The following PCCB variants were observed in gnomAD, a reference collection of about 807,000 sequenced individuals.
PCCB encodes the protein propionyl-CoA carboxylase subunit beta, also known as propionyl-CoA carboxylase beta chain, mitochondrial.
In PCCB, 43 loss-of-function variants were observed where a neutral mutation model predicts 60.7. That is an observed-to-expected ratio of 0.71 (90% CI 0.55 to 0.91). The LOEUF (loss-of-function observed/expected upper bound fraction) is 0.91. PCCB is among the 40% of genes least tolerant of loss of function. The pLI is 0.00. For missense variants in PCCB, 766 were observed against 702.8 expected (o/e 1.09, Z -1.02); for synonymous variants, 276 against 255.9 (o/e 1.08, Z -0.75).
chr3:136,285,402 C>G (rs1347629825), intron 6 of PCCB, among the ~76,000 whole-genome samples: 2 of 152,112 alleles, frequency 1.3e-5, no homozygotes, highest in Non-Finnish European at 2.9e-5. Context: ...ATCCTCCCAT[C>G]AAAACTTAAT....
At chr3:136,253,152 C>T (rs1171174117) in intron 1 of PCCB, among the ~76,000 whole-genome samples, 2 of 137,262 alleles carry the variant, frequency 1.5e-5, no homozygotes, top group Non-Finnish European at 3.0e-5. Flanking sequence ...TGCAGTGGCG[C>T]GGTCTTGGCT....
chr3:136,326,076 T>A (rs1310191629), intron 10 of PCCB, among the ~76,000 whole-genome samples: 1 of 152,208 alleles, frequency 6.6e-6, no homozygotes, highest in Non-Finnish European at 1.5e-5. Flanking sequence ...CCTCCCAAAG[T>A]GCTGGGATTA....
At chr3:136,306,747 A>G (rs1934462719) in intron 9 of PCCB, among the ~76,000 whole-genome samples, 1 of 122,652 alleles carries the variant, frequency 8.2e-6, no homozygotes, top group Admixed American at 9.7e-5. Flanking sequence ...AAGTGACTAC[A>G]ATGAAAGGCA....
intron 1 of PCCB, chr3:136,255,406 G>A: frequency 4.1e-6 from 1 of 245,988 alleles, no homozygotes; most frequent in South Asian, 5.1e-5. Context: ...GAGCAGTAGG[G>A]ACCCTCGTGA....
intron 10 of PCCB, among the ~76,000 whole-genome samples, chr3:136,317,670 T>C (rs544901696): frequency 6.6e-6 from 1 of 152,206 alleles, no homozygotes; most frequent in Admixed American, 6.5e-5. Flanking sequence ...CAGCTAAATA[T>C]ATGACTCACC....
At chr3:136,323,638 A>G (rs2108233864) in intron 10 of PCCB, among the ~76,000 whole-genome samples, 1 of 152,194 alleles carries the variant, frequency 6.6e-6, no homozygotes, top group East Asian at 1.9e-4. Flanking sequence ...ACAAAAAATG[A>G]GCCGGACGTG....
chr3:136,254,284 T>C (rs1941605008), intron 1 of PCCB, among the ~76,000 whole-genome samples: 1 of 151,876 alleles, frequency 6.6e-6, no homozygotes, highest in Admixed American at 6.6e-5. Flanking sequence ...AGTGGTGCGA[T>C]CTTGGCTCAC....
chr3:136,289,789 C>CTTTTTTTT (rs147625921), intron 6 of PCCB, among the ~76,000 whole-genome samples: 1,697 of 141,794 alleles, frequency 0.012, 61 homozygotes, highest in African/African-American at 0.042. Flanking sequence ...ACATGTTATA[C>CTTTTTTTT]TTTTTTTTTA....
At chr3:136,276,996 C>G (rs1002985321) in intron 5 of PCCB, among the ~76,000 whole-genome samples, 2 of 152,134 alleles carry the variant, frequency 1.3e-5, no homozygotes, top group African/African-American at 4.8e-5. Flanking sequence ...GTCTAGCCAC[C>G]CAGTGGGGCT....
intron 13 of PCCB, 116 bp from the exon 14 acceptor site, chr3:136,328,641 TC>T: frequency 1.3e-6 from 1 of 791,442 alleles, no homozygotes; most frequent in Non-Finnish European, 2.2e-6. Flanking sequence ...AGATGGCACT[TC>T]CCCTCAGTAC....
chr3:136,318,122 A>C (rs2108228032), intron 10 of PCCB, among the ~76,000 whole-genome samples: 1 of 152,332 alleles, frequency 6.6e-6, no homozygotes, highest in African/African-American at 2.4e-5. Flanking sequence ...GTGGATCACG[A>C]GGTCTGGAGT....
intron 5 of PCCB, among the ~76,000 whole-genome samples, chr3:136,278,960 G>A (rs959222871): frequency 6.6e-6 from 1 of 151,986 alleles, no homozygotes; most frequent in African/African-American, 2.4e-5. Flanking sequence ...TGTATTTTAG[G>A]GCTCTTGTTG....
intron 5 of PCCB, among the ~76,000 whole-genome samples, chr3:136,264,440 G>GTGTATGTATATATATATATA: frequency 8.1e-6 from 1 of 123,858 alleles, no homozygotes; most frequent in South Asian, 2.6e-4. Flanking sequence ...ATGTGTGTGT[G>GTGTATGTATATATATATATA]TATATATGTA....
At chr3:136,296,629 A>G (rs552558953) in intron 7 of PCCB, among the ~76,000 whole-genome samples, 16 of 152,274 alleles carry the variant, frequency 1.1e-4, no homozygotes, top group Middle Eastern at 3.4e-3. Context: ...TTCTGAGTTA[A>G]ATGATAACTC....
Position 136,250,442 on chromosome 3 carries a change from G to A in PCCB, c.67G>A (p.Ala23Thr), listed in dbSNP as rs772483250. Residue 23 changes from alanine (A) to threonine (T), a missense_variant, in exon 1 of 15, where the codon GCC becomes ACC. Physicochemically the swap from Ala to Thr is moderately conservative, Grantham distance 58. Transcript: ENST00000251654. ...CAGCGTTCTGGCGAGCGGTCTCCGC[G>A]CCGCGGTCCGCAGCCTTTGCAGCCA... ...RLSVLASGLR[A>T]AVRSLCSQAT... 32 of 1,599,568 alleles carry A rather than the reference G, an allele frequency of 2.0e-5. No homozygotes were observed. The highest frequency in any genetic ancestry group is 2.2e-5 in the Non-Finnish European group (26 of 1,173,342).
intron 1 of PCCB, among the ~76,000 whole-genome samples, chr3:136,252,908 GTTT>G (rs57859572): frequency 7.8e-6 from 1 of 127,824 alleles, no homozygotes; most frequent in Admixed American, 7.6e-5. Context: ...TTTTTGTTTT[GTTT>G]TTTTTTTTTT....
At chr3:136,314,473 G>A (rs148477051) in intron 9 of PCCB, among the ~76,000 whole-genome samples, 22 of 152,138 alleles carry the variant, frequency 1.4e-4, no homozygotes, top group East Asian at 5.8e-4. Context: ...CGGCCAATAC[G>A]GTGAAACCCT....
chr3:136,321,200 A>G (rs1228142726), intron 10 of PCCB, among the ~76,000 whole-genome samples: 3 of 152,222 alleles, frequency 2.0e-5, no homozygotes, highest in Non-Finnish European at 1.5e-5. Flanking sequence ...TTAAAAAAAT[A>G]GACTTACAGA....
intron 9 of PCCB, among the ~76,000 whole-genome samples, chr3:136,304,612 C>T (rs1934396414): frequency 8.4e-6 from 1 of 119,156 alleles, no homozygotes. Flanking sequence ...GTCTCGATCT[C>T]CCGACCTCGT....
Sources: allele counts gnomAD v4.1 joint callset (sites outside exome capture counted in the v4.1 genomes callset), GRCh38; gene constraint gnomAD v4.1.1; transcripts MANE v1.5; gene names NCBI Gene and HGNC (gene_info 2026-07-23, HGNC 2026-07-21).